The following SUGCT variants were observed in gnomAD, a reference collection of about 807,000 sequenced individuals.
The protein encoded by SUGCT is succinyl-CoA:glutarate-CoA transferase.
SUGCT carries 41 observed loss-of-function variants against 55.0 expected under a neutral mutation model. The observed-to-expected ratio is 0.74, with a 90% confidence interval of 0.58 to 0.97. The LOEUF is 0.97. Ranked by LOEUF, SUGCT falls within the 50% of genes least tolerant of loss-of-function variation. SUGCT has a pLI of 0.00. For synonymous variants in SUGCT, 187 were observed against 200.4 expected, an observed-to-expected ratio of 0.93 and a Z score of 0.56; for missense variants, 568 against 547.8, an observed-to-expected ratio of 1.04 and a Z score of -0.37.
the SUGCT span, among the ~76,000 whole-genome samples, chr7:40,883,214 G>A: frequency 6.6e-6 from 1 of 152,188 alleles, no homozygotes; most frequent in East Asian, 1.9e-4. Flanking sequence ...ACTGCAAGAG[G>A]TGAAGACCTT....
chr7:40,800,777 AT>A (rs1790778277), intron 13 of SUGCT, among the ~76,000 whole-genome samples: 1 of 152,182 alleles, frequency 6.6e-6, no homozygotes, highest in African/African-American at 2.4e-5. Flanking sequence ...AGTGTTCTTG[AT>A]TTAATAATAA....
At chr7:40,186,208 C>T (rs1205691943) in intron 3 of SUGCT, among the ~76,000 whole-genome samples, 1 of 137,784 alleles carries the variant, frequency 7.3e-6, no homozygotes, top group Non-Finnish European at 1.6e-5. Context: ...CTCCCCTCCC[C>T]TTCCCTCCTC....
At chr7:40,993,792 G>A in the SUGCT span, among the ~76,000 whole-genome samples, 65 of 152,312 alleles carry the variant, frequency 4.3e-4, no homozygotes, top group African/African-American at 1.6e-3. Context: ...ACTTGGACAA[G>A]TTATCCAACC....
chr7:41,017,432 G>A, the SUGCT span, among the ~76,000 whole-genome samples: 5 of 152,176 alleles, frequency 3.3e-5, no homozygotes, highest in African/African-American at 1.2e-4. Flanking sequence ...TTCACATCAA[G>A]GATATCAAAG....
intron 12 of SUGCT, among the ~76,000 whole-genome samples, chr7:40,736,488 G>C (rs1032338525): frequency 6.6e-6 from 1 of 151,474 alleles, no homozygotes; most frequent in African/African-American, 2.4e-5. Flanking sequence ...CATGGATTCA[G>C]TAAAAATTAA....
intron 12 of SUGCT, among the ~76,000 whole-genome samples, chr7:40,572,728 TG>T (rs1796516230): frequency 6.6e-6 from 1 of 152,154 alleles, no homozygotes; most frequent in Admixed American, 6.5e-5. Flanking sequence ...GCAGCTAAAT[TG>T]ATGGTACCTC....
At chr7:40,795,326 T>C (rs1267591069) in intron 13 of SUGCT, among the ~76,000 whole-genome samples, 1 of 152,142 alleles carries the variant, frequency 6.6e-6, no homozygotes, top group Non-Finnish European at 1.5e-5. Flanking sequence ...CAATGAAACA[T>C]TTTGTAAATA....
the SUGCT span, among the ~76,000 whole-genome samples, chr7:40,942,185 A>G: frequency 6.6e-6 from 1 of 152,092 alleles, no homozygotes; most frequent in Non-Finnish European, 1.5e-5. Flanking sequence ...AAGAGGTTCT[A>G]TTCTAGTGCA....
intron 9 of SUGCT, among the ~76,000 whole-genome samples, chr7:40,448,174 C>A (rs1027929161): frequency 6.6e-6 from 1 of 151,834 alleles, no homozygotes; most frequent in African/African-American, 2.4e-5. Flanking sequence ...TTGAAAGAAG[C>A]AATGTAGCTC....
intron 9 of SUGCT, among the ~76,000 whole-genome samples, chr7:40,416,135 T>C (rs1786987964): frequency 6.6e-6 from 1 of 152,018 alleles, no homozygotes; most frequent in South Asian, 2.1e-4. Context: ...TTATTTTGTA[T>C]TTAACAATAA....
chr7:40,792,554 T>A (rs1476827532), intron 13 of SUGCT, among the ~76,000 whole-genome samples: 2 of 152,154 alleles, frequency 1.3e-5, no homozygotes, highest in African/African-American at 4.8e-5. Flanking sequence ...GCTGATGAAA[T>A]ATGCTGGACT....
At chr7:40,365,140 A>G (rs1783862478) in intron 9 of SUGCT, among the ~76,000 whole-genome samples, 1 of 152,236 alleles carries the variant, frequency 6.6e-6, no homozygotes, top group Non-Finnish European at 1.5e-5. Context: ...TCCGGCATAT[A>G]AACAGAACCA....
At chr7:40,895,814 A>G in the SUGCT span, among the ~76,000 whole-genome samples, 2 of 152,220 alleles carry the variant, frequency 1.3e-5, no homozygotes, top group Non-Finnish European at 2.9e-5. Flanking sequence ...TACAGTACAA[A>G]GCTATTGTAA....
intron 12 of SUGCT, among the ~76,000 whole-genome samples, chr7:40,646,968 G>C (rs886737931): frequency 3.3e-5 from 5 of 152,174 alleles, no homozygotes; most frequent in East Asian, 1.9e-4. Context: ...CCTGCCAGCA[G>C]AATTAGTGTA....
chr7:40,362,740 A>C (rs1798216894), intron 9 of SUGCT, among the ~76,000 whole-genome samples: 1 of 152,182 alleles, frequency 6.6e-6, no homozygotes, highest in African/African-American at 2.4e-5. Context: ...GTCCTTTGAA[A>C]TGTACAACTC....
At chr7:40,423,386 G>T (rs190168807) in intron 9 of SUGCT, among the ~76,000 whole-genome samples, 6 of 152,200 alleles carry the variant, frequency 3.9e-5, no homozygotes, top group Admixed American at 2.6e-4. Flanking sequence ...TATAGGAAGA[G>T]ATGTGACTAA....
chr7:40,547,253 C>T (rs531722410), intron 12 of SUGCT, among the ~76,000 whole-genome samples: 6 of 152,212 alleles, frequency 3.9e-5, no homozygotes, highest in African/African-American at 1.4e-4. Flanking sequence ...TTCATGTCTT[C>T]GGTTGATTGG....
intron 12 of SUGCT, among the ~76,000 whole-genome samples, chr7:40,692,084 TC>T (rs1169316203): frequency 1.3e-5 from 2 of 152,156 alleles, no homozygotes; most frequent in Non-Finnish European, 2.9e-5. Context: ...GCCTCACCTA[TC>T]CTAGTCACTC....
intron 13 of SUGCT, among the ~76,000 whole-genome samples, chr7:40,837,975 G>A (rs1793078568): frequency 1.3e-5 from 2 of 152,114 alleles, no homozygotes; most frequent in African/African-American, 4.8e-5. Flanking sequence ...CCTATGGATG[G>A]TCAGTCGCTC....
Sources: gnomAD v4.1 joint callset for allele counts (sites outside exome capture counted in the v4.1 genomes callset) on GRCh38, gnomAD v4.1.1 for gene constraint, MANE v1.5 for transcripts, NCBI Gene and HGNC (gene_info 2026-07-23, HGNC 2026-07-21) for gene names.